SRGAP1: variants seen among roughly 807,000 people sequenced by gnomAD.
The protein encoded by SRGAP1 is SLIT-ROBO Rho GTPase-activating protein 1.
SRGAP1 carries 43 observed loss-of-function variants against 121.9 expected under a neutral mutation model. That is an observed-to-expected ratio of 0.35 (90% CI 0.28 to 0.46). The LOEUF (loss-of-function observed/expected upper bound fraction) is 0.46, where lower values mean the gene tolerates loss of function less well. Among genes scored for constraint, SRGAP1 ranks in the 20% least tolerant of loss-of-function variants. SRGAP1 has a pLI of 1.00. For missense variants in SRGAP1, 1,102 were observed against 1,350.9 expected, an observed-to-expected ratio of 0.82 and a Z score of 2.89; for synonymous variants, 447 against 485.4, an observed-to-expected ratio of 0.92 and a Z score of 1.04.
intron 8 of SRGAP1, among the ~76,000 whole-genome samples, chr12:64,072,108 C>CTCTCTGTGTGTGTG (rs775247857): frequency 1.2e-5 from 1 of 80,366 alleles, no homozygotes; most frequent in Admixed American, 1.5e-4. Context: ...CAATCTCTCT[C>CTCTCTGTGTGTGTG]TGTGTGTGTG....
At chr12:63,893,894 C>T (rs554144608) in intron 1 of SRGAP1, among the ~76,000 whole-genome samples, 9 of 152,282 alleles carry the variant, frequency 5.9e-5, no homozygotes, top group South Asian at 2.1e-4. Flanking sequence ...GCTTCAGTGC[C>T]GTAGCACAAT....
At chr12:63,885,647 C>G (rs956105742) in intron 1 of SRGAP1, among the ~76,000 whole-genome samples, 13 of 152,220 alleles carry the variant, frequency 8.5e-5, no homozygotes, top group Admixed American at 3.9e-4. Flanking sequence ...AAGACCCTCT[C>G]AGGAATGAGA....
intron 6 of SRGAP1, 132 bp downstream of exon 6, chr12:64,043,707 T>C: frequency 6.2e-6 from 4 of 646,828 alleles, no homozygotes; most frequent in Non-Finnish European, 7.3e-6. Flanking sequence ...AAAAATACTT[T>C]TATTTAAATT....
chr12:63,970,398 C>T (rs1173599107), intron 1 of SRGAP1, among the ~76,000 whole-genome samples: 2 of 152,050 alleles, frequency 1.3e-5, no homozygotes, highest in Non-Finnish European at 2.9e-5. Flanking sequence ...GGCAATATTG[C>T]TAATCATATC....
chr12:63,982,972 A>T (rs2033293021), intron 1 of SRGAP1: 1 of 152,228 alleles, frequency 6.6e-6, no homozygotes, highest in African/African-American at 2.4e-5. Flanking sequence ...TAAATGTGTC[A>T]GTAAGGGTAT....
chr12:63,873,159 A>G (rs1452541069), intron 1 of SRGAP1, among the ~76,000 whole-genome samples: 1 of 152,202 alleles, frequency 6.6e-6, no homozygotes, highest in Non-Finnish European at 1.5e-5. Flanking sequence ...AGTGAATTTT[A>G]CATTTTGCTT....
chr12:63,867,232 A>T (rs1358650463), intron 1 of SRGAP1, among the ~76,000 whole-genome samples: 1 of 152,180 alleles, frequency 6.6e-6, no homozygotes, highest in Non-Finnish European at 1.5e-5. Flanking sequence ...ATTCTGGCCT[A>T]AGCCTCTTAT....
chr12:64,112,961 C>G (rs1278201070), intron 17 of SRGAP1, among the ~76,000 whole-genome samples: 2 of 152,028 alleles, frequency 1.3e-5, no homozygotes, highest in East Asian at 1.9e-4. Context: ...AAGGAATAAG[C>G]CAGGTGCAGT....
rs970755593 is a variant in SRGAP1, at chr12:64,156,344, A to G, written c.*13672A>G. On this transcript the variant is annotated 3_prime_UTR_variant, in exon 22 of 22. Coordinates refer to ENST00000355086, the MANE Select transcript of SRGAP1 (RefSeq NM_020762.4). Reference sequence around the variant, plus strand: ...AGGAATTGAATGAATATTTTTAATAAATTTGTAGATGTTAATATGATTTAC... The same window carrying G: ...AGGAATTGAATGAATATTTTTAATAGATTTGTAGATGTTAATATGATTTAC... The G allele has an allele frequency of 1.3e-5, 2 of 152,242 alleles. No individual in the cohort carries two copies. The highest frequency in any genetic ancestry group is 1.3e-4 in the Admixed American group (2 of 15,290). 9.4% of individuals were successfully genotyped at this position (152,242 alleles called of 1,614,324 possible).
chr12:64,110,834 C>T (rs934912516), intron 16 of SRGAP1, among the ~76,000 whole-genome samples: 1 of 151,644 alleles, frequency 6.6e-6, no homozygotes, highest in African/African-American at 2.4e-5. Context: ...ATCTTATTTC[C>T]AAAAAAAGGG....
intron 2 of SRGAP1, among the ~76,000 whole-genome samples, chr12:63,989,214 G>A (rs1425472365): frequency 6.6e-6 from 1 of 152,182 alleles, no homozygotes; most frequent in Non-Finnish European, 1.5e-5. Context: ...TTCTTTTGCT[G>A]TTTATATTAA....
intron 1 of SRGAP1, among the ~76,000 whole-genome samples, chr12:63,859,969 C>A (rs1214368487): frequency 6.6e-6 from 1 of 152,126 alleles, no homozygotes; most frequent in Admixed American, 6.6e-5. Context: ...ATAATTTCTT[C>A]TTTGACTCAT....
At chr12:64,065,788 T>C (rs2035529043) in intron 8 of SRGAP1, among the ~76,000 whole-genome samples, 1 of 152,212 alleles carries the variant, frequency 6.6e-6, no homozygotes. Context: ...CTATATTCTC[T>C]AAATTTTTGG....
Position 64,156,614 on chromosome 12 carries a change from A to ATATT in SRGAP1, c.*13946_*13949dup, listed in dbSNP as rs1592368394. On this transcript the variant is annotated 3_prime_UTR_variant, in exon 22 of 22. Transcript: ENST00000355086. ...TAAAAGGAAATGATAAAATAAATGA[A>ATATT]TATTTATAGAAGTTAAATCTATTAA... 1.3e-5 allele frequency: 2 copies of ATATT among 152,250 alleles called. No homozygotes were observed. The highest frequency in any genetic ancestry group is 2.9e-5 in the Non-Finnish European group (2 of 68,048). 9.4% of individuals were successfully genotyped at this position (152,250 alleles called of 1,614,324 possible). A position where few individuals can be genotyped will look rare whatever the true frequency, so the allele number is the denominator to read the frequency against.
chr12:63,964,537 T>C (rs770713684), intron 1 of SRGAP1, among the ~76,000 whole-genome samples: 1 of 152,136 alleles, frequency 6.6e-6, no homozygotes, highest in African/African-American at 2.4e-5. Context: ...GTATTCTCAA[T>C]TGACCCTTTC....
chr12:64,031,928 G>A (rs2034789768), intron 4 of SRGAP1, among the ~76,000 whole-genome samples: 1 of 152,150 alleles, frequency 6.6e-6, no homozygotes. Context: ...GAGTTATTTT[G>A]CAGCAAAGCC....
chr12:64,142,754 T>C lies in SRGAP1; in HGVS notation c.*82T>C. 6.6e-7 allele frequency: 1 copy of C among 1,517,672 alleles called. No homozygotes were observed. The allele number at this position is 1,517,672 out of a possible 1,614,324, so 94.0% of individuals were successfully genotyped here. ...GACAAAAGTCACTGATCCATAACTT[T>C]CCTTAGTTTTGTGCTTATAACTGGA... is the stretch of plus-strand genomic sequence containing the variant. On this transcript the variant is annotated 3_prime_UTR_variant, in exon 22 of 22. Coordinates refer to ENST00000355086, the MANE Select transcript of SRGAP1 (RefSeq NM_020762.4).
intron 1 of SRGAP1, among the ~76,000 whole-genome samples, chr12:63,859,912 T>G (rs920991994): frequency 6.6e-6 from 1 of 152,244 alleles, no homozygotes; most frequent in African/African-American, 2.4e-5. Context: ...ATCTCACTAG[T>G]TTTGATATGT....
chr12:63,871,737 GT>G lies in SRGAP1; in HGVS notation c.67+26857del. 4.8e-6 allele frequency: 5 copies of G among 1,032,504 alleles called. No individual in the cohort carries two copies. The South Asian group carries it at 6.8e-5, about 14-fold the overall frequency. The allele number at this position is 1,032,504 out of a possible 1,614,324, so 64.0% of individuals were successfully genotyped here. On this transcript the variant is annotated intron_variant, in intron 1 of 21. Coordinates refer to ENST00000355086, the MANE Select transcript of SRGAP1 (RefSeq NM_020762.4). ...AAAATTAAAAGAAAAATATTCCAAA[GT>G]TTAGAACTGGATCACTTGGTCCTTT...
Sources: gnomAD v4.1 joint callset for allele counts (sites outside exome capture counted in the v4.1 genomes callset) on GRCh38, gnomAD v4.1.1 for gene constraint, MANE v1.5 for transcripts, NCBI Gene and HGNC (gene_info 2026-07-23, HGNC 2026-07-21) for gene names.